DAB1: variants seen among roughly 807,000 people sequenced by gnomAD.
The protein encoded by DAB1 is disabled homolog 1.
DAB1 carries 15 observed loss-of-function variants against 64.6 expected under a neutral mutation model. That is an observed-to-expected ratio of 0.23 (90% CI 0.16 to 0.36). The LOEUF (loss-of-function observed/expected upper bound fraction) is 0.36, where lower values mean the gene tolerates loss of function less well. Among genes scored for constraint, DAB1 ranks in the 10% least tolerant of loss-of-function variants. The probability of loss-of-function intolerance (pLI) is 1.00; values close to 1 mark genes in which losing one functional copy is unlikely to be tolerated. For missense variants in DAB1, 596 were observed against 706.7 expected, an observed-to-expected ratio of 0.84 and a Z score of 1.78; for synonymous variants, 235 against 251.9, an observed-to-expected ratio of 0.93 and a Z score of 0.64.
rs376520107 is a variant in DAB1 at position 57,093,495 on chromosome 1, TA to T, written c.307-21082del. ...GTCGCAAAGCCTTAGTTTCTTCATC[TA>T]AAAAAAAAATGGGAATAATAACATA... On this transcript the variant is annotated intron_variant, in intron 4 of 14. Transcript: ENST00000371236. Among the ~76,000 whole-genome samples, 57 of 148,500 alleles carry T rather than the reference TA, an allele frequency of 3.8e-4. 1 individual carries two copies. Among genetic ancestry groups the T allele is most frequent in the African/African-American group, 1.0e-3 (41 of 40,700 alleles).
At chr1:58,177,644 C>A (rs1261483651) in intron 4 of DAB1, among the ~76,000 whole-genome samples, 1 of 151,980 alleles carries the variant, frequency 6.6e-6, no homozygotes, top group Non-Finnish European at 1.5e-5. Flanking sequence ...TACCTAGCCA[C>A]CCTACTTACT....
At chr1:58,243,512 T>A (rs368186359) in intron 4 of DAB1, among the ~76,000 whole-genome samples, 1 of 150,768 alleles carries the variant, frequency 6.6e-6, no homozygotes, top group Non-Finnish European at 1.5e-5. Flanking sequence ...ATGGCTGGGG[T>A]TTTTTTTTAG....
chr1:57,613,575 G>A (rs1262360723), intron 7 of DAB1, among the ~76,000 whole-genome samples: 1 of 152,186 alleles, frequency 6.6e-6, no homozygotes, highest in Admixed American at 6.5e-5. Context: ...GATAGATGGC[G>A]ATGTTCTTCT....
At chr1:57,447,243 A>C (rs761232906) in intron 7 of DAB1, among the ~76,000 whole-genome samples, 1 of 152,190 alleles carries the variant, frequency 6.6e-6, no homozygotes, top group Non-Finnish European at 1.5e-5. Flanking sequence ...GCAAGTCTTC[A>C]AAAGAAGGAG....
chr1:57,709,793 G>A (rs1647006779), intron 6 of DAB1, among the ~76,000 whole-genome samples: 1 of 152,068 alleles, frequency 6.6e-6, no homozygotes, highest in South Asian at 2.1e-4. Context: ...ATGCAGATGG[G>A]TTCTCTACCT....
intron 5 of DAB1, among the ~76,000 whole-genome samples, chr1:58,098,561 T>C (rs990023369): frequency 8.5e-5 from 13 of 152,184 alleles, no homozygotes; most frequent in Non-Finnish European, 1.5e-5. Context: ...ATAGGATAAA[T>C]TGTGTTCCCA....
chr1:58,171,955 A>G (rs1656198773), intron 4 of DAB1, among the ~76,000 whole-genome samples: 1 of 152,238 alleles, frequency 6.6e-6, no homozygotes, highest in Non-Finnish European at 1.5e-5. Context: ...GCAAGGAACG[A>G]GTACAGCCTG....
At chr1:58,179,042 T>G (rs562455540) in intron 4 of DAB1, among the ~76,000 whole-genome samples, 1 of 152,234 alleles carries the variant, frequency 6.6e-6, no homozygotes, top group African/African-American at 2.4e-5. Context: ...TTGTAGTAAA[T>G]GGGTGTTGAA....
At chr1:58,454,438 G>A (rs141948247) in intron 3 of DAB1, among the ~76,000 whole-genome samples, 2 of 152,268 alleles carry the variant, frequency 1.3e-5, no homozygotes, top group Admixed American at 6.5e-5. Context: ...AGAGCCAGAC[G>A]CTTGCAGGAG....
intron 9 of DAB1, among the ~76,000 whole-genome samples, chr1:57,050,763 G>T (rs1649105506): frequency 6.6e-6 from 1 of 152,180 alleles, no homozygotes; most frequent in South Asian, 2.1e-4. Flanking sequence ...ATCTCCTTGA[G>T]ACCATGACAA....
At position 57,570,409 on chromosome 1, in the gene DAB1, T is replaced by C. The variant is rs1645180284; in HGVS notation, n.625+79183A>G. 3.9e-5 allele frequency among the ~76,000 whole-genome samples: 6 copies of C among 152,086 alleles called. 2 individuals carry two copies. The highest frequency in any genetic ancestry group is 3.9e-4 in the Admixed American group (6 of 15,258). On this transcript the variant is annotated intron_variant and non_coding_transcript_variant, in intron 7 of 20. Transcript: ENST00000485760. ...TAACAAACTCATATATATATATATA[T>C]ATACTGCTTTAGTTCTGTCCCTTAT...
At chr1:57,947,566 C>T (rs1645202453) in intron 5 of DAB1, among the ~76,000 whole-genome samples, 1 of 152,074 alleles carries the variant, frequency 6.6e-6, no homozygotes, top group South Asian at 2.1e-4. Context: ...CCAAACGTCC[C>T]GTGGAAAGAA....
chr1:57,987,676 C>T (rs1006293013), intron 5 of DAB1, among the ~76,000 whole-genome samples: 2 of 152,144 alleles, frequency 1.3e-5, no homozygotes, highest in Non-Finnish European at 2.9e-5. Context: ...TGACTTCTTT[C>T]CCACCAAGTC....
chr1:57,820,111 A>G (rs1652051126), intron 6 of DAB1, among the ~76,000 whole-genome samples: 2 of 152,166 alleles, frequency 1.3e-5, no homozygotes, highest in South Asian at 4.1e-4. Flanking sequence ...GACTGTTCAC[A>G]GGCGTCAAAC....
intron 5 of DAB1, among the ~76,000 whole-genome samples, chr1:57,973,123 G>C (rs1340934517): frequency 6.6e-6 from 1 of 152,220 alleles, no homozygotes; most frequent in Non-Finnish European, 1.5e-5. Context: ...ATCCTAATCA[G>C]AGAGAGTAAT....
intron 6 of DAB1, among the ~76,000 whole-genome samples, chr1:57,769,792 G>A (rs1040594916): frequency 3.3e-5 from 5 of 152,064 alleles, no homozygotes; most frequent in African/African-American, 9.7e-5. Context: ...GTTTTAGAAC[G>A]GCCTTTTGCT....
Position 58,077,424 on chromosome 1 carries a change from T to C in DAB1, n.387+73087A>G, listed in dbSNP as rs955582434. The stretch of plus-strand genomic sequence containing the variant: ...CCAAAGGGGTTCATCACTCCCTAGA[T>C]GAGGAGGAAAGAGGAAAGTGGTACA... On this transcript the variant is annotated intron_variant and non_coding_transcript_variant, in intron 5 of 20. Transcript: ENST00000485760. Among the ~76,000 whole-genome samples the C allele has an allele frequency of 2.6e-5, 4 of 151,968 alleles. No individual in the cohort carries two copies. The South Asian group carries it at 8.3e-4, about 32-fold the overall frequency.
chr1:57,479,338 G>A (rs1014662786), intron 7 of DAB1, among the ~76,000 whole-genome samples: 13 of 151,610 alleles, frequency 8.6e-5, no homozygotes, highest in African/African-American at 2.9e-4. Flanking sequence ...GATGCTGGTC[G>A]GTGGGACATA....
chr1:58,360,146 T>G (rs1463217226), intron 3 of DAB1, among the ~76,000 whole-genome samples: 1 of 152,144 alleles, frequency 6.6e-6, no homozygotes, highest in African/African-American at 2.4e-5. Context: ...TACATTCCAA[T>G]ACCTACTGTA....
Sources: gnomAD v4.1 joint callset for allele counts (sites outside exome capture counted in the v4.1 genomes callset) on GRCh38, gnomAD v4.1.1 for gene constraint, MANE v1.5 for transcripts, NCBI Gene and HGNC (gene_info 2026-07-23, HGNC 2026-07-21) for gene names.